Variants in ARHGAP26 observed in about 807,000 individuals in gnomAD.
ARHGAP26 encodes the protein Rho GTPase activating protein 26, also known as rho GTPase-activating protein 26.
A neutral mutation model predicts 104.8 loss-of-function variants in ARHGAP26; 38 were observed. That is an observed-to-expected ratio of 0.36 (90% CI 0.28 to 0.48). ARHGAP26 has a LOEUF of 0.48. Ranked by LOEUF, ARHGAP26 falls within the 20% of genes least tolerant of loss-of-function variation. ARHGAP26 has a pLI of 0.99. For missense variants in ARHGAP26, 704 were observed against 947.9 expected, an observed-to-expected ratio of 0.74 and a Z score of 3.38; for synonymous variants, 341 against 340.0, an observed-to-expected ratio of 1.00 and a Z score of -0.03.
At position 143,227,842 on chromosome 5, in the gene ARHGAP26, T is replaced by C. The variant is rs1482454399; in HGVS notation, c.*5396T>C. The stretch of plus-strand genomic sequence containing the variant: ...GGATACTTTTTTAGAAGGATAAATA[T>C]TATGCTTACTGAGGAGAAAAAAAAA... On this transcript the variant is annotated 3_prime_UTR_variant, in exon 23 of 23. Transcript: ENST00000645722. 2 of 222,434 alleles carry C rather than the reference T, an allele frequency of 9.0e-6. No individual in the cohort carries two copies. Among genetic ancestry groups the C allele is most frequent in the Non-Finnish European group, 1.8e-5 (2 of 111,494 alleles). The allele number at this position is 222,434 out of a possible 1,614,324, so 13.8% of individuals were successfully genotyped here. A position where few individuals can be genotyped will look rare whatever the true frequency, so the allele number is the denominator to read the frequency against.
At chr5:143,010,088 C>T (rs1162335151) in intron 11 of ARHGAP26, among the ~76,000 whole-genome samples, 1 of 152,186 alleles carries the variant, frequency 6.6e-6, no homozygotes, top group East Asian at 1.9e-4. Flanking sequence ...TAGTGGGCAA[C>T]TGTGAGATCT....
At chr5:142,928,789 A>G (rs1022178153) in intron 10 of ARHGAP26, among the ~76,000 whole-genome samples, 8 of 152,236 alleles carry the variant, frequency 5.3e-5, no homozygotes, top group Non-Finnish European at 8.8e-5. Context: ...AGCAACTGGC[A>G]TATACTGCTG....
intron 1 of ARHGAP26, among the ~76,000 whole-genome samples, chr5:142,784,543 T>C (rs545915781): frequency 6.6e-6 from 1 of 152,228 alleles, no homozygotes; most frequent in African/African-American, 2.4e-5. Context: ...AAAGACAATT[T>C]GTTTTTTGAT....
At chr5:143,165,618 T>C (rs1170309818) in intron 20 of ARHGAP26, among the ~76,000 whole-genome samples, 1 of 152,186 alleles carries the variant, frequency 6.6e-6, no homozygotes, top group African/African-American at 2.4e-5. Flanking sequence ...GTTACGTGGG[T>C]ATATTGTGTG....
chr5:142,774,481 C>A (rs1755886553), intron 1 of ARHGAP26, among the ~76,000 whole-genome samples: 1 of 151,870 alleles, frequency 6.6e-6, no homozygotes, highest in African/African-American at 2.4e-5. Flanking sequence ...AGAAAGTTCC[C>A]ACATAGCGCC....
intron 17 of ARHGAP26, among the ~76,000 whole-genome samples, chr5:143,071,678 C>CGGGCA (rs1788268392): frequency 6.6e-6 from 1 of 152,006 alleles, no homozygotes; most frequent in Non-Finnish European, 1.5e-5. Flanking sequence ...GAGGCTGAGG[C>CGGGCA]GGGCAGATTG....
At chr5:142,888,917 G>A (rs1426017841) in intron 5 of ARHGAP26, among the ~76,000 whole-genome samples, 2 of 152,156 alleles carry the variant, frequency 1.3e-5, no homozygotes, top group Non-Finnish European at 2.9e-5. Flanking sequence ...TAATCAAGCC[G>A]GTAGATTTAT....
intron 17 of ARHGAP26, among the ~76,000 whole-genome samples, chr5:143,117,570 G>T (rs975452597): frequency 6.6e-6 from 1 of 152,186 alleles, no homozygotes; most frequent in Non-Finnish European, 1.5e-5. Flanking sequence ...CTAAGACTTA[G>T]ATCAATGTGT....
At position 142,838,677 on chromosome 5, in the gene ARHGAP26, ATTG is replaced by A. The variant is rs546613569; in HGVS notation, c.155-34720_155-34718del. Among the ~76,000 whole-genome samples, 693 of 152,300 alleles carry A rather than the reference ATTG, an allele frequency of 4.6e-3. 9 individuals are homozygous for A. Among genetic ancestry groups the A allele is most frequent in the African/African-American group, 0.016 (655 of 41,556 alleles). On this transcript the variant is annotated intron_variant, in intron 1 of 22. Transcript: ENST00000645722. ...CTGTATATAGTGGGGCTTATATATT[ATTG>A]TTCTTATTTTGTTTGCTACAAATGC...
At chr5:143,125,407 C>T (rs905585105) in intron 18 of ARHGAP26, among the ~76,000 whole-genome samples, 3 of 152,240 alleles carry the variant, frequency 2.0e-5, no homozygotes, top group African/African-American at 7.2e-5. Context: ...ATATCTTCCT[C>T]CTGGGAGCCA....
At chr5:143,166,141 TA>T (rs1801911623) in intron 20 of ARHGAP26, 1 of 1,270,134 alleles carries the variant, frequency 7.9e-7, no homozygotes, top group Non-Finnish European at 1.0e-6. Flanking sequence ...ATATCTCAAT[TA>T]AAGAATAACA....
intron 1 of ARHGAP26, among the ~76,000 whole-genome samples, chr5:142,834,814 A>G (rs1364666936): frequency 6.6e-6 from 1 of 152,258 alleles, no homozygotes; most frequent in Non-Finnish European, 1.5e-5. Context: ...CAGAGAGTGG[A>G]GAAACTGCCT....
At chr5:143,127,269 C>T (rs1338123493) in intron 18 of ARHGAP26, among the ~76,000 whole-genome samples, 1 of 152,152 alleles carries the variant, frequency 6.6e-6, no homozygotes, top group Non-Finnish European at 1.5e-5. Context: ...TGTTCTGTAA[C>T]AATCCATGCT....
chr5:143,190,200 C>G (rs1043576399), intron 20 of ARHGAP26, among the ~76,000 whole-genome samples: 12 of 152,166 alleles, frequency 7.9e-5, no homozygotes, highest in Admixed American at 2.0e-4. Context: ...TTTCTAGTTT[C>G]TCTTATAACA....
chr5:143,123,539 C>T (rs982133670), intron 18 of ARHGAP26, among the ~76,000 whole-genome samples: 8 of 152,170 alleles, frequency 5.3e-5, no homozygotes, highest in Non-Finnish European at 1.0e-4. Flanking sequence ...AGGATGTTGT[C>T]GGAGACTTAC....
At chr5:142,956,665 T>C (rs1769294336) in intron 11 of ARHGAP26, among the ~76,000 whole-genome samples, 1 of 152,206 alleles carries the variant, frequency 6.6e-6, no homozygotes, top group Non-Finnish European at 1.5e-5. Flanking sequence ...GAACATGGTA[T>C]TGGAGACTTG....
chr5:142,779,648 A>T (rs979704397), intron 1 of ARHGAP26, among the ~76,000 whole-genome samples: 1 of 152,226 alleles, frequency 6.6e-6, no homozygotes, highest in Non-Finnish European at 1.5e-5. Context: ...TCTTGCTGTC[A>T]CATCTGCTTT....
intron 19 of ARHGAP26, among the ~76,000 whole-genome samples, chr5:143,137,438 C>T (rs1798027197): frequency 6.6e-6 from 1 of 152,220 alleles, no homozygotes; most frequent in South Asian, 2.1e-4. Context: ...GACACCTGTC[C>T]TGGTTTGATG....
chr5:143,192,485 G>A (rs944349432), intron 20 of ARHGAP26: 2 of 152,250 alleles, frequency 1.3e-5, no homozygotes, highest in African/African-American at 4.8e-5. Flanking sequence ...AGAAAAGAGT[G>A]TTTTTCCATT....
Sources: gnomAD v4.1 joint callset for allele counts (sites outside exome capture counted in the v4.1 genomes callset) on GRCh38, gnomAD v4.1.1 for gene constraint, MANE v1.5 for transcripts, NCBI Gene and HGNC (gene_info 2026-07-23, HGNC 2026-07-21) for gene names.